Variants in LRRC4C observed in about 807,000 individuals in gnomAD.
LRRC4C encodes the protein leucine-rich repeat-containing protein 4C.
In LRRC4C, 5 loss-of-function variants were observed where a neutral mutation model predicts 33.6. The observed-to-expected ratio is 0.15, with a 90% confidence interval of 0.08 to 0.31. The LOEUF (loss-of-function observed/expected upper bound fraction) is 0.31. LRRC4C is among the 10% of genes least tolerant of loss of function. LRRC4C has a pLI of 1.00. For synonymous variants in LRRC4C, 329 were observed against 302.0 expected, an observed-to-expected ratio of 1.09 and a Z score of -0.93; for missense variants, 560 against 796.7, an observed-to-expected ratio of 0.70 and a Z score of 3.58.
At chr11:40,426,705 A>T (rs1186000794) in intron 3 of LRRC4C, among the ~76,000 whole-genome samples, 2 of 152,318 alleles carry the variant, frequency 1.3e-5, no homozygotes, top group East Asian at 3.9e-4. Flanking sequence ...GATTTTGTTC[A>T]TGAATGTATC....
intron 3 of LRRC4C, among the ~76,000 whole-genome samples, chr11:40,555,148 G>C (rs1468387722): frequency 6.6e-6 from 1 of 152,122 alleles, no homozygotes; most frequent in Non-Finnish European, 1.5e-5. Context: ...GGAGTTTTTT[G>C]GTGGAGTCTT....
At chr11:41,445,201 A>G (rs1955782917) in intron 1 of LRRC4C, among the ~76,000 whole-genome samples, 1 of 152,162 alleles carries the variant, frequency 6.6e-6, no homozygotes, top group South Asian at 2.1e-4. Flanking sequence ...TCGCTTCACC[A>G]TCTCTCTTCC....
chr11:41,003,618 A>G (rs1031016775), intron 1 of LRRC4C, among the ~76,000 whole-genome samples: 3 of 152,096 alleles, frequency 2.0e-5, no homozygotes, highest in African/African-American at 4.8e-5. Context: ...CTAAATGCAT[A>G]AAGACAGAGA....
intron 3 of LRRC4C, among the ~76,000 whole-genome samples, chr11:40,413,815 TC>T (rs1950232599): frequency 6.6e-6 from 1 of 152,120 alleles, no homozygotes. Flanking sequence ...ATGTTCGTCT[TC>T]TTTATCATGA....
chr11:40,837,847 GA>G lies in LRRC4C; in HGVS notation c.-407+95787del, dbSNP rs552415499. Among the ~76,000 whole-genome samples the G allele has an allele frequency of 4.9e-4, 71 of 144,446 alleles. No homozygotes were observed. The South Asian group carries it at 0.013, about 27-fold the overall frequency. 94.8% of individuals were successfully genotyped at this position (144,446 alleles called of 152,430 possible). ...CCTGGGTGACAGAGATCCCATCTCA[GA>G]AAAAAAAAATAGAGGAAAATAGCCA... On this transcript the variant is annotated intron_variant, in intron 2 of 6. Transcript: ENST00000528697.
chr11:41,457,773 A>C (rs898426402), intron 1 of LRRC4C, among the ~76,000 whole-genome samples: 20 of 152,090 alleles, frequency 1.3e-4, no homozygotes, highest in African/African-American at 4.8e-4. Context: ...AATTTTTACC[A>C]AGAGCTCTGC....
intron 3 of LRRC4C, among the ~76,000 whole-genome samples, chr11:40,330,041 G>C (rs1946289484): frequency 6.6e-6 from 1 of 151,946 alleles, no homozygotes; most frequent in Non-Finnish European, 1.5e-5. Context: ...ATGCCTGGCT[G>C]GTAGTTACTT....
chr11:40,973,932 A>T (rs1025830028), intron 1 of LRRC4C, among the ~76,000 whole-genome samples: 1 of 152,126 alleles, frequency 6.6e-6, no homozygotes, highest in Non-Finnish European at 1.5e-5. Flanking sequence ...CTCTTTTTCC[A>T]GTCTCCTTGG....
intron 1 of LRRC4C, among the ~76,000 whole-genome samples, chr11:41,294,592 A>G (rs1195892252): frequency 2.6e-5 from 4 of 152,334 alleles, no homozygotes; most frequent in African/African-American, 9.6e-5. Flanking sequence ...GAATTTTAAG[A>G]GGTAAGATTT....
intron 3 of LRRC4C, among the ~76,000 whole-genome samples, chr11:40,358,481 G>A (rs992275876): frequency 4.6e-5 from 7 of 152,022 alleles, no homozygotes; most frequent in African/African-American, 1.4e-4. Flanking sequence ...GGGTTTCACC[G>A]TGTTGGCCAG....
chr11:40,607,269 T>C (rs139747813), intron 3 of LRRC4C, among the ~76,000 whole-genome samples: 18 of 152,218 alleles, frequency 1.2e-4, no homozygotes, highest in South Asian at 4.1e-4. Context: ...GTAGAAAACA[T>C]TGGGGTCCCT....
intron 1 of LRRC4C, among the ~76,000 whole-genome samples, chr11:41,000,138 A>G (rs1182678638): frequency 2.0e-5 from 3 of 152,170 alleles, no homozygotes; most frequent in Non-Finnish European, 4.4e-5. Context: ...CATCAGAATA[A>G]TTTGGTTGAG....
intron 3 of LRRC4C, among the ~76,000 whole-genome samples, chr11:40,459,455 C>A (rs1009629253): frequency 1.3e-5 from 2 of 152,132 alleles, no homozygotes; most frequent in Non-Finnish European, 2.9e-5. Flanking sequence ...AGCATTATAA[C>A]TTATTAAATG....
intron 3 of LRRC4C, among the ~76,000 whole-genome samples, chr11:40,585,094 G>C (rs1958660149): frequency 6.6e-6 from 1 of 152,150 alleles, no homozygotes; most frequent in South Asian, 2.1e-4. Flanking sequence ...CAACAGAACA[G>C]GTATGGTTGG....
chr11:41,098,502 A>T (rs1691598811), intron 1 of LRRC4C, among the ~76,000 whole-genome samples: 1 of 152,164 alleles, frequency 6.6e-6, no homozygotes, highest in African/African-American at 2.4e-5. Context: ...ACTTATATCA[A>T]GATACTGAAA....
intron 3 of LRRC4C, among the ~76,000 whole-genome samples, chr11:40,395,802 T>G (rs1371680): frequency 6.6e-6 from 1 of 151,816 alleles, no homozygotes; most frequent in African/African-American, 2.4e-5. Flanking sequence ...GCCTGGCCAA[T>G]GTGTTGAAAC....
intron 2 of LRRC4C, among the ~76,000 whole-genome samples, chr11:40,732,019 C>T (rs1176472996): frequency 6.6e-6 from 1 of 151,508 alleles, no homozygotes; most frequent in South Asian, 2.1e-4. Context: ...AGGAACACCT[C>T]CTTGCCTGGG....
At chr11:40,879,615 T>C (rs1277995845) in intron 2 of LRRC4C, among the ~76,000 whole-genome samples, 1 of 152,100 alleles carries the variant, frequency 6.6e-6, no homozygotes, top group Non-Finnish European at 1.5e-5. Context: ...AAAGGGAGGA[T>C]GGTAAAACAG....
At chr11:40,523,045 T>A (rs1185592688) in intron 3 of LRRC4C, among the ~76,000 whole-genome samples, 6 of 152,180 alleles carry the variant, frequency 3.9e-5, no homozygotes, top group African/African-American at 1.4e-4. Flanking sequence ...TTTCAATTAT[T>A]TTCGTTGCAT....
Sources: gnomAD v4.1 joint callset for allele counts (sites outside exome capture counted in the v4.1 genomes callset) on GRCh38, gnomAD v4.1.1 for gene constraint, MANE v1.5 for transcripts, NCBI Gene and HGNC (gene_info 2026-07-23, HGNC 2026-07-21) for gene names.